The following NHSL1 variants were observed in gnomAD, a reference collection of about 807,000 sequenced individuals.
NHSL1 encodes NHS-like protein 1.
In NHSL1, 48 loss-of-function variants were observed where a neutral mutation model predicts 95.0. That is an observed-to-expected ratio of 0.51 (90% CI 0.40 to 0.64). The LOEUF (loss-of-function observed/expected upper bound fraction) is 0.64. NHSL1 is among the 30% of genes least tolerant of loss of function. The pLI is 0.00. For missense variants in NHSL1, 1,971 were observed against 2,077.7 expected (o/e 0.95, Z 1.00); for synonymous variants, 783 against 833.9 (o/e 0.94, Z 1.05).
chr6:138,546,440 A>ACAAAAC (rs1782801211), upstream of NHSL1, among the ~76,000 whole-genome samples: 1 of 129,008 alleles, frequency 7.8e-6, no homozygotes, highest in African/African-American at 4.3e-5. Flanking sequence ...AAAAAAAAAA[A>ACAAAAC]AAAAAAAAAA....
chr6:138,623,553 A>T (rs1428555309), intron 1 of NHSL1, among the ~76,000 whole-genome samples: 2 of 152,168 alleles, frequency 1.3e-5, no homozygotes, highest in African/African-American at 2.4e-5. Flanking sequence ...CTCTCTCAGC[A>T]ATTTTGAAGA....
At chr6:138,448,760 T>C (rs1350596658) in intron 3 of NHSL1, among the ~76,000 whole-genome samples, 2 of 152,128 alleles carry the variant, frequency 1.3e-5, no homozygotes, top group Non-Finnish European at 2.9e-5. Flanking sequence ...ATGCATTGAT[T>C]AGAAATTTTA....
chr6:138,639,794 T>A, intron 1 of NHSL1, among the ~76,000 whole-genome samples: 1 of 75,646 alleles, frequency 1.3e-5, no homozygotes, highest in African/African-American at 7.0e-5. Context: ...TGAGACTCAG[T>A]CTCAAAAAAA....
At chr6:138,631,646 C>T (rs1194419112) in intron 1 of NHSL1, among the ~76,000 whole-genome samples, 1 of 152,150 alleles carries the variant, frequency 6.6e-6, no homozygotes, top group African/African-American at 2.4e-5. Context: ...AAGGAAGGAC[C>T]TACTCCTGGC....
intron 1 of NHSL1, among the ~76,000 whole-genome samples, chr6:138,589,544 G>A (rs906414794): frequency 1.4e-4 from 21 of 152,016 alleles, no homozygotes; most frequent in African/African-American, 2.4e-5. Flanking sequence ...CCTGCCCCTC[G>A]CTGCTCAGCA....
chr6:138,579,059 A>G (rs1784013850), intron 1 of NHSL1, among the ~76,000 whole-genome samples: 1 of 152,214 alleles, frequency 6.6e-6, no homozygotes, highest in African/African-American at 2.4e-5. Context: ...TGTGCAACCT[A>G]GATCCCTGGC....
rs988462892 is a variant in NHSL1, at chr6:138,569,073, G to A, written c.202+2637C>T. Among the ~76,000 whole-genome samples, 60 of 152,330 alleles carry A rather than the reference G, an allele frequency of 3.9e-4. 1 individual carries two copies. Among genetic ancestry groups the A allele is most frequent in the African/African-American group, 1.3e-3 (56 of 41,572 alleles). On this transcript the variant is annotated intron_variant, in intron 1 of 6. Transcript: ENST00000427025. Reference sequence around the variant, plus strand: ...ACCTGGAGACAGCGGGCAGGGAACAGGCAAGCAGTGTGGCCTGGCAGCAGC... The same window carrying A: ...ACCTGGAGACAGCGGGCAGGGAACAAGCAAGCAGTGTGGCCTGGCAGCAGC...
At chr6:138,672,282 C>T (rs1785382915) in intron 1 of NHSL1, among the ~76,000 whole-genome samples, 1 of 152,082 alleles carries the variant, frequency 6.6e-6, no homozygotes, top group African/African-American at 2.4e-5. Flanking sequence ...ATAACAGTTA[C>T]ATCCTTGAAT....
At chr6:138,489,045 C>T (rs1225151742) in intron 2 of NHSL1, among the ~76,000 whole-genome samples, 5 of 152,148 alleles carry the variant, frequency 3.3e-5, no homozygotes, top group East Asian at 1.9e-4. Context: ...GAGTATTAAG[C>T]GTCTGTCACT....
At chr6:138,558,643 T>A (rs1014126252) in intron 1 of NHSL1, among the ~76,000 whole-genome samples, 14 of 151,938 alleles carry the variant, frequency 9.2e-5, no homozygotes, top group Non-Finnish European at 1.3e-4. Flanking sequence ...ACGGTCTTGA[T>A]CTCCTGACCT....
intron 1 of NHSL1, among the ~76,000 whole-genome samples, chr6:138,670,395 G>A (rs7741048): frequency 0.031 from 4,686 of 150,630 alleles, 189 homozygotes; most frequent in African/African-American, 0.091. Flanking sequence ...GGCCGGGCGC[G>A]GTGGCTCACG....
At chr6:138,687,081 T>G (rs756969817) in intron 1 of NHSL1, among the ~76,000 whole-genome samples, 1 of 152,176 alleles carries the variant, frequency 6.6e-6, no homozygotes, top group Non-Finnish European at 1.5e-5. Flanking sequence ...AAGCAAATCT[T>G]ATGCCAATTT....
intron 3 of NHSL1, among the ~76,000 whole-genome samples, chr6:138,455,116 G>T (rs961276848): frequency 7.9e-5 from 12 of 152,192 alleles, no homozygotes; most frequent in African/African-American, 2.9e-4. Context: ...GTCTGCAATG[G>T]CATGGAATAA....
chr6:138,607,861 T>C (rs1784455559), intron 1 of NHSL1, among the ~76,000 whole-genome samples: 1 of 152,184 alleles, frequency 6.6e-6, no homozygotes, highest in Non-Finnish European at 1.5e-5. Flanking sequence ...GAATCAAAAG[T>C]TTCATGACTG....
upstream of NHSL1, among the ~76,000 whole-genome samples, chr6:138,575,464 C>A (rs1222779416): frequency 1.3e-5 from 2 of 152,238 alleles, no homozygotes; most frequent in African/African-American, 2.4e-5. Context: ...GTGCCCACGT[C>A]TGCCAGATTT....
intron 1 of NHSL1, among the ~76,000 whole-genome samples, chr6:138,589,409 C>T (rs1247221041): frequency 3.3e-5 from 5 of 152,150 alleles, no homozygotes; most frequent in Non-Finnish European, 5.9e-5. Context: ...GGGGGCCTCA[C>T]GAGCCAAGCG....
Position 138,424,734 on chromosome 6 carries a change from TG to T in NHSL1, c.4167del (p.Thr1390ProfsTer35). ...GAGGCCAGGCTTGGGGCAGCGCCGG[TG>T]GGTGTCACGGGCGGGGAGGGAGAAT... Reference protein sequence around the residue: ...RNHSPSPPVTPTGAAPSLASP... With the variant: ...RNHSPSPPVTXTGAAPSLASP... On this transcript the variant is annotated frameshift_variant, in exon 8 of 8. Transcript: ENST00000343505. LOFTEE classifies it low-confidence loss of function (END_TRUNC). This position sits in a 1 kb window ranked among gnomAD's most constrained non-coding sequence, Gnocchi z 5.9. 1 of 1,551,454 alleles carries T rather than the reference TG, an allele frequency of 6.4e-7. No homozygotes were observed. Among genetic ancestry groups the T allele is most frequent in the Non-Finnish European group, 8.7e-7 (1 of 1,146,912 alleles).
chr6:138,464,698 A>G (rs1440846976), intron 3 of NHSL1, among the ~76,000 whole-genome samples: 1 of 125,776 alleles, frequency 8.0e-6, no homozygotes, highest in African/African-American at 3.6e-5. Flanking sequence ...TTTTCTCTTC[A>G]CTTTTTTTTT....
intron 1 of NHSL1, among the ~76,000 whole-genome samples, chr6:138,530,693 T>C (rs1328453551): frequency 2.6e-5 from 4 of 152,180 alleles, no homozygotes; most frequent in East Asian, 3.8e-4. Context: ...AAACCAAATA[T>C]TGTATGTTCT....
Sources: gnomAD v4.1 joint callset for allele counts (sites outside exome capture counted in the v4.1 genomes callset) on GRCh38, gnomAD v4.1.1 for gene constraint, Gnocchi (gnomAD v3.1) non-coding constraint, MANE v1.5 for transcripts, NCBI Gene and HGNC (gene_info 2026-07-23, HGNC 2026-07-21) for gene names.